The following DRC7 variants were observed in gnomAD, a reference collection of about 807,000 sequenced individuals.
DRC7 encodes the protein coiled-coil domain containing 135.
Under a neutral mutation model 104.4 loss-of-function variants are expected in DRC7, and 80 were observed. The observed-to-expected ratio is 0.77, with a 90% confidence interval of 0.64 to 0.92. The LOEUF is 0.92. Ranked by LOEUF, DRC7 falls within the 40% of genes least tolerant of loss-of-function variation. The pLI is 0.00. For missense variants in DRC7, 1,034 were observed against 1,141.1 expected (o/e 0.91, Z 1.35); for synonymous variants, 405 against 447.3 (o/e 0.91, Z 1.19).
chr16:57,718,971 C>T lies in DRC7; in HGVS notation c.1206+496C>T, dbSNP rs2048875036. ...GCCACTGCATTCCAGCCTGCGCAAC[C>T]CCACCCCACCACAAAAAATAAAAAT... is the stretch of plus-strand genomic sequence containing the variant. On this transcript the variant is annotated intron_variant, in intron 9 of 18. Coordinates refer to ENST00000360716, the MANE Select transcript of DRC7 (RefSeq NM_001289162.2). Among the ~76,000 whole-genome samples, 4 of 151,740 alleles carry T rather than the reference C, an allele frequency of 2.6e-5. No homozygotes were observed. In the South Asian group the frequency reaches 8.3e-4, roughly 32 times the overall value.
At chr16:57,704,376 T>TACACACACACACACACACACACACAC (rs55873452) in intron 6 of DRC7, among the ~76,000 whole-genome samples, 1 of 148,994 alleles carries the variant, frequency 6.7e-6, no homozygotes. Flanking sequence ...CACGCAAGCG[T>TACACACACACACACACACACACACAC]ACACACACAC....
intron 7 of DRC7, among the ~76,000 whole-genome samples, chr16:57,706,368 C>T (rs1003576204): frequency 6.8e-6 from 1 of 146,854 alleles, no homozygotes; most frequent in African/African-American, 2.5e-5. Flanking sequence ...TCTGTCCATC[C>T]TCCCATCCAT....
chr16:57,725,883 G>T, intron 13 of DRC7, 185 bp from the exon 14 acceptor site: 1 of 609,134 alleles, frequency 1.6e-6, no homozygotes, highest in Non-Finnish European at 3.0e-6. Context: ...TGGGAGTGGA[G>T]TGGCCTGGCC....
intron 4 of DRC7, among the ~76,000 whole-genome samples, chr16:57,699,796 C>T (rs1425367834): frequency 3.9e-5 from 6 of 152,202 alleles, no homozygotes; most frequent in East Asian, 1.9e-4. Flanking sequence ...AGCTCTCAAG[C>T]CTGCTCTGGG....
Position 57,718,397 on chromosome 16 carries a change from G to A in DRC7, c.1128G>A (p.Leu376=). The change falls in exon 9 of 19, where the codon CTG becomes CTA. Residue 376 remains leucine, a synonymous_variant. Transcript: ENST00000360716. ...GDPVRWEYML[L]GTDKSQLSLT... is the part of the protein sequence containing the mutation. ...CTGTGAGATGGGAGTACATGCTCCT[G>A]GGGACTGATAAGTCTCAGCTGTCCT... The A allele has an allele frequency of 6.2e-7, 1 of 1,614,132 alleles. No homozygotes were observed. Among genetic ancestry groups the A allele is most frequent in the Non-Finnish European group, 8.5e-7 (1 of 1,179,974 alleles).
intron 8 of DRC7, among the ~76,000 whole-genome samples, chr16:57,715,903 G>A (rs2048837779): frequency 6.6e-6 from 1 of 152,212 alleles, no homozygotes; most frequent in African/African-American, 2.4e-5. Context: ...GAGGGGCAGT[G>A]CTGTGCCAAG....
intron 1 of DRC7, among the ~76,000 whole-genome samples, chr16:57,695,743 G>A (rs1651102277): frequency 6.6e-6 from 1 of 152,224 alleles, no homozygotes; most frequent in African/African-American, 2.4e-5. Context: ...GAATTGGACA[G>A]AAAATATCTG....
Position 57,722,546 on chromosome 16 carries a change from T to C in DRC7, c.1280-167T>C, listed in dbSNP as rs112967934. ...CCTGGCCTGAGAACCCCTCTAGGGC[T>C]GGAGCCACCCCTGGTGATTATTCTC... On this transcript the variant is annotated intron_variant, in intron 10 of 18. Transcript: ENST00000360716. Among the ~76,000 whole-genome samples the C allele has an allele frequency of 7.2e-5, 11 of 152,256 alleles. 1 individual carries two copies. The highest frequency in any genetic ancestry group is 2.6e-4 in the African/African-American group (11 of 41,556).
In DRC7 at chr16:57,726,894, G is replaced by A; in HGVS notation, c.2037G>A (p.Lys679=). Residue 679 remains lysine (K), a synonymous_variant, in exon 15 of 19, where the codon AAG becomes AAA. Transcript: ENST00000360716. ...LYQYEAMMHL[K]REEKLSRHQV... ...AGTACGAGGCCATGATGCACCTGAAGAGGGAGGAGAAGCTGTCCAGACATC... is the reference window on the plus strand; with the variant it reads ...AGTACGAGGCCATGATGCACCTGAAAAGGGAGGAGAAGCTGTCCAGACATC... 3 of 1,613,374 alleles carry A rather than the reference G, an allele frequency of 1.9e-6. No homozygotes were observed. Among genetic ancestry groups the A allele is most frequent in the Non-Finnish European group, 1.7e-6 (2 of 1,179,806 alleles).
chr16:57,711,678 G>C (rs1188780682), intron 8 of DRC7, among the ~76,000 whole-genome samples: 1 of 152,254 alleles, frequency 6.6e-6, no homozygotes, highest in African/African-American at 2.4e-5. Context: ...GGCTGTGTAG[G>C]AGACCAGAGT....
At chr16:57,705,169 C>T in intron 7 of DRC7, 135 bp downstream of exon 7, 1 of 1,019,792 alleles carries the variant, frequency 9.8e-7, no homozygotes, top group East Asian at 2.6e-5. Context: ...TCACCCCCAA[C>T]CTCTACCTGG....
intron 8 of DRC7, among the ~76,000 whole-genome samples, chr16:57,718,024 T>G (rs2048862202): frequency 1.3e-5 from 2 of 152,208 alleles, no homozygotes; most frequent in African/African-American, 4.8e-5. Context: ...GCCCAGCCGA[T>G]GCGGAAAGAC....
intron 8 of DRC7, chr16:57,714,768 C>T: frequency 2.3e-6 from 1 of 442,862 alleles, no homozygotes; most frequent in Non-Finnish European, 4.4e-6. Flanking sequence ...TTGTGCTTGT[C>T]TCTAATCTTA....
chr16:57,728,394 G>T lies in DRC7; in HGVS notation c.2201G>T (p.Arg734Leu). ...KSKEYREAME[R>L]MMHEEHLRQV... The stretch of plus-strand genomic sequence containing the variant: ...ATCTGCCCCTCACCTTTACAGGAGC[G>T]CATGATGCACGAAGAGCACCTGCGG... The change falls in exon 17 of 19, where the codon CGC becomes CTC. Residue 734 changes from arginine (R) to leucine (L), a missense_variant. By Grantham distance (102) the Arg-to-Leu change is moderately radical. Transcript: ENST00000360716. The T allele has an allele frequency of 1.9e-6, 3 of 1,594,760 alleles. No individual in the cohort carries two copies. In the Middle Eastern group the frequency reaches 5.1e-4, roughly 271 times the overall value.
chr16:57,715,872 G>T (rs143418545), intron 8 of DRC7, among the ~76,000 whole-genome samples: 76 of 152,314 alleles, frequency 5.0e-4, no homozygotes, highest in Non-Finnish European at 9.1e-4. Context: ...AGGCTCCGAG[G>T]TGAAGGTGGA....
chr16:57,715,030 A>G (rs1479042085), intron 8 of DRC7: 2 of 242,982 alleles, frequency 8.2e-6, no homozygotes, highest in African/African-American at 4.7e-5. Context: ...GTTGATTTCT[A>G]TATAGTTTTC....
chr16:57,695,708 C>T (rs1452619701), intron 1 of DRC7, among the ~76,000 whole-genome samples: 1 of 152,238 alleles, frequency 6.6e-6, no homozygotes, highest in African/African-American at 2.4e-5. Context: ...TCGTCCCCTC[C>T]TGAGTCCCAG....
At chr16:57,704,138 C>T (rs1479130708) in intron 6 of DRC7, among the ~76,000 whole-genome samples, 4 of 152,048 alleles carry the variant, frequency 2.6e-5, no homozygotes, top group Non-Finnish European at 4.4e-5. Context: ...CCCACGATGG[C>T]CCAGTGTGGT....
chr16:57,707,477 G>A lies in DRC7; in HGVS notation c.876G>A (p.Lys292=). The A allele has an allele frequency of 6.2e-7, 1 of 1,612,960 alleles. No individual in the cohort carries two copies. Among genetic ancestry groups the A allele is most frequent in the Non-Finnish European group, 8.5e-7 (1 of 1,179,780 alleles). Residue 292 remains lysine, a synonymous_variant, in exon 8 of 19, where the codon AAG becomes AAA. Coordinates refer to ENST00000360716, the MANE Select transcript of DRC7 (RefSeq NM_001289162.2). The part of the protein sequence containing the change: ...EERLMEAEKA[K]PDALHGLRVH... ...CTTGGCAGGAAGCGGAGAAGGCAAA[G>A]CCGGATGCCCTGCACGGCCTGCGGG...
Sources: gnomAD v4.1 joint callset for allele counts (sites outside exome capture counted in the v4.1 genomes callset) on GRCh38, gnomAD v4.1.1 for gene constraint, MANE v1.5 for transcripts, NCBI Gene and HGNC (gene_info 2026-07-23, HGNC 2026-07-21) for gene names.